The following SEMA4A variants were observed in gnomAD, a reference collection of about 807,000 sequenced individuals.
The protein encoded by SEMA4A is semaphorin-4A.
In SEMA4A, 52 loss-of-function variants were observed where a neutral mutation model predicts 72.5. That is an observed-to-expected ratio of 0.72 (90% confidence interval 0.57 to 0.90). The LOEUF (loss-of-function observed/expected upper bound fraction) is 0.90, where lower values mean the gene tolerates loss of function less well. Among genes scored for constraint, SEMA4A ranks in the 40% least tolerant of loss-of-function variants. The pLI is 0.00. For missense variants in SEMA4A, 926 were observed against 959.7 expected (o/e 0.96, Z 0.46); for synonymous variants, 369 against 393.1 (o/e 0.94, Z 0.73).
Position 156,161,369 on chromosome 1 carries a change from G to T in SEMA4A, c.834G>T (p.Leu278=). 6.2e-7 allele frequency: 1 copy of T among 1,603,802 alleles called. No individual in the cohort carries two copies. The highest frequency in any genetic ancestry group is 8.5e-7 in the Non-Finnish European group (1 of 1,173,650). ...VCKNDVGGEK[L]LQKKWTTFLK... ...AGAATGACGTGGGCGGCGAAAAGCTGCTGCAGAAGAAGTGGACCACCTTCC... is the reference window on the plus strand; with the variant it reads ...AGAATGACGTGGGCGGCGAAAAGCTTCTGCAGAAGAAGTGGACCACCTTCC... Residue 278 remains leucine, a synonymous_variant, in exon 9 of 15, where the codon CTG becomes CTT. Coordinates refer to ENST00000368285, the MANE Select transcript of SEMA4A (RefSeq NM_022367.4).
intron 10 of SEMA4A, among the ~76,000 whole-genome samples, chr1:156,165,702 C>G (rs1654086931): frequency 6.6e-6 from 1 of 151,534 alleles, no homozygotes; most frequent in Non-Finnish European, 1.5e-5. Flanking sequence ...GCAGGGCTAC[C>G]TTATAGGCAG....
intron 10 of SEMA4A, among the ~76,000 whole-genome samples, chr1:156,165,264 C>T (rs552557214): frequency 6.6e-6 from 1 of 152,300 alleles, no homozygotes; most frequent in East Asian, 1.9e-4. Flanking sequence ...AGATGCCATC[C>T]TGGAATTCCC....
rs934058820 is a variant in SEMA4A, at chr1:156,177,133, A to G, written c.*136A>G. ...CTGAGAGGAGCTTCTGCTACTCTGCATCACTGATGACACTCAGCAGGGTGA... is the reference window on the plus strand; with the variant it reads ...CTGAGAGGAGCTTCTGCTACTCTGCGTCACTGATGACACTCAGCAGGGTGA... On this transcript the variant is annotated 3_prime_UTR_variant, in exon 15 of 15. Transcript: ENST00000368285. 2.9e-5 allele frequency: 23 copies of G among 782,006 alleles called. No homozygotes were observed. The Admixed American group carries it at 3.6e-4, about 12-fold the overall frequency. 48.4% of individuals were successfully genotyped at this position (782,006 alleles called of 1,614,324 possible).
At chr1:156,174,095 G>A (rs1371537675) in intron 11 of SEMA4A, among the ~76,000 whole-genome samples, 1 of 151,728 alleles carries the variant, frequency 6.6e-6, no homozygotes, top group Non-Finnish European at 1.5e-5. Flanking sequence ...TGGGTGACAA[G>A]AGTGAAAATC....
intron 10 of SEMA4A, among the ~76,000 whole-genome samples, chr1:156,168,612 A>T (rs1311663118): frequency 6.6e-6 from 1 of 151,090 alleles, no homozygotes; most frequent in East Asian, 1.9e-4. Context: ...GGTTTTACTT[A>T]CATGTCTGGT....
chr1:156,162,808 GA>G, intron 9 of SEMA4A, 135 bp from the exon 10 acceptor site: 1 of 1,051,218 alleles, frequency 9.5e-7, no homozygotes, highest in Non-Finnish European at 1.5e-6. Flanking sequence ...ACAGTGAGGG[GA>G]AGGAGTGGTA....
chr1:156,167,649 CA>C (rs1205383771), intron 10 of SEMA4A, among the ~76,000 whole-genome samples: 2 of 151,918 alleles, frequency 1.3e-5, no homozygotes, highest in Non-Finnish European at 2.9e-5. Context: ...GTAAATTGTT[CA>C]GTAGTTGGAT....
rs946902747 is a variant in SEMA4A, at chr1:156,177,507, C to T, written c.*510C>T. 6 of 208,062 alleles carry T rather than the reference C, an allele frequency of 2.9e-5. No individual in the cohort carries two copies. Among genetic ancestry groups the T allele is most frequent in the South Asian group, 1.7e-4 (2 of 11,974 alleles). 12.9% of individuals were successfully genotyped at this position (208,062 alleles called of 1,614,324 possible). On this transcript the variant is annotated 3_prime_UTR_variant, in exon 15 of 15. Coordinates refer to ENST00000368285, the MANE Select transcript of SEMA4A (RefSeq NM_022367.4). ...GCTCCCTCCTGCTTCCCTTACCAGT[C>T]GTGCACCGCTGACTCCCAGGAAGTC...
intron 10 of SEMA4A, among the ~76,000 whole-genome samples, chr1:156,164,048 G>GAAAAAAA (rs34436852): frequency 1.8e-5 from 2 of 111,638 alleles, no homozygotes; most frequent in African/African-American, 3.3e-5. Context: ...GTTTTTAAAT[G>GAAAAAAA]AAAAAAAAAA....
upstream of SEMA4A, among the ~76,000 whole-genome samples, chr1:156,148,202 G>A (rs1291246401): frequency 6.6e-6 from 1 of 152,208 alleles, no homozygotes; most frequent in Non-Finnish European, 1.5e-5. Flanking sequence ...CAATGGGGGT[G>A]TGAGGGCTTC....
chr1:156,176,443 C>T lies in SEMA4A; in HGVS notation c.1732C>T (p.Leu578Phe). ...GGCTGTCCCCAACTCCATCCTGGAG[C>T]TCCCCTGCCCCCACCTGTCAGCCTT... ...VLAVPNSILELPCPHLSALAS... is the reference protein window; with the variant it reads ...VLAVPNSILEFPCPHLSALAS... The change falls in exon 15 of 15, where the codon CTC becomes TTC. Residue 578 changes from leucine to phenylalanine, a missense_variant. Transcript: ENST00000368285. 6.2e-7 allele frequency: 1 copy of T among 1,614,188 alleles called. No homozygotes were observed. Among genetic ancestry groups the T allele is most frequent in the East Asian group, 2.2e-5 (1 of 44,880 alleles).
intron 14 of SEMA4A, among the ~76,000 whole-genome samples, chr1:156,176,183 G>C (rs560034434): frequency 6.6e-6 from 1 of 152,012 alleles, no homozygotes; most frequent in Admixed American, 6.6e-5. Context: ...GGGAGGCTGG[G>C]GTGGAAGGAT....
intron 6 of SEMA4A, among the ~76,000 whole-genome samples, chr1:156,159,205 G>A (rs1227148319): frequency 1.3e-5 from 2 of 151,928 alleles, no homozygotes; most frequent in South Asian, 2.1e-4. Context: ...GTGGTAGGGC[G>A]CACCTATGGT....
chr1:156,171,840 G>T (rs1173740895), intron 10 of SEMA4A, among the ~76,000 whole-genome samples: 1 of 151,982 alleles, frequency 6.6e-6, no homozygotes, highest in African/African-American at 2.4e-5. Context: ...CTGGAGTGCA[G>T]TGGCGCAATC....
At chr1:156,154,440 C>T (rs898474139) in intron 1 of SEMA4A, 110 bp from the exon 2 acceptor site, 2 of 993,932 alleles carry the variant, frequency 2.0e-6, no homozygotes, top group East Asian at 2.6e-5. Context: ...AATGCCCCAC[C>T]CCTGCCACCA....
At chr1:156,150,156 C>T (rs1026839901), upstream of SEMA4A, 1 of 152,268 alleles carries the variant, frequency 6.6e-6, no homozygotes, top group Non-Finnish European at 1.5e-5. Context: ...CTGGTGCTGG[C>T]TCTGCCCTAA....
chr1:156,158,318 G>A (rs1653241545), intron 4 of SEMA4A, 70 bp from the exon 5 acceptor site: 2 of 1,354,422 alleles, frequency 1.5e-6, no homozygotes, highest in Non-Finnish European at 2.1e-6. Flanking sequence ...CCTCAGTGAG[G>A]GGGCAGCCTC....
intron 7 of SEMA4A, 50 bp from the exon 8 acceptor site, chr1:156,160,855 C>T (rs754506533): frequency 2.1e-5 from 34 of 1,612,158 alleles, no homozygotes; most frequent in Non-Finnish European, 2.7e-5. Context: ...CAGGCAAACC[C>T]AGGGCATGCA....
chr1:156,176,212 A>AGAGGTTGCAGTGAGCT (rs1294229977), intron 14 of SEMA4A, among the ~76,000 whole-genome samples, 193 bp from the exon 15 acceptor site: 2 of 151,608 alleles, frequency 1.3e-5, no homozygotes, highest in Non-Finnish European at 2.9e-5. Flanking sequence ...CCCAGAAGGC[A>AGAGGTTGCAGTGAGCT]GAGGTTGCAG....
Sources: allele counts gnomAD v4.1 joint callset (sites outside exome capture counted in the v4.1 genomes callset), GRCh38; gene constraint gnomAD v4.1.1; transcripts MANE v1.5; gene names NCBI Gene and HGNC (gene_info 2026-07-23, HGNC 2026-07-21).